STK3: variants seen among roughly 807,000 people sequenced by gnomAD.
STK3 encodes the protein serine/threonine-protein kinase 3.
Under a neutral mutation model 58.0 loss-of-function variants are expected in STK3, and 41 were observed. The ratio of observed to expected loss-of-function variants is 0.71; its 90% CI spans 0.55 to 0.92. The LOEUF is 0.92. STK3 is among the 40% of genes least tolerant of loss of function. STK3 has a pLI of 0.00. For synonymous variants in STK3, 170 were observed against 191.0 expected (o/e 0.89, Z 0.91); for missense variants, 479 against 602.7 (o/e 0.79, Z 2.15).
chr8:98,908,951 T>A (rs1287262565), intron 1 of STK3, among the ~76,000 whole-genome samples: 1 of 148,026 alleles, frequency 6.8e-6, no homozygotes, highest in Non-Finnish European at 1.5e-5. Flanking sequence ...AGGTCAGGAG[T>A]TCAAGACCAG....
intron 3 of STK3, among the ~76,000 whole-genome samples, chr8:98,433,324 G>A (rs1411477817): frequency 1.3e-5 from 2 of 152,156 alleles, no homozygotes; most frequent in Non-Finnish European, 2.9e-5. Flanking sequence ...TCTCCCTGCT[G>A]CCGAAGTAGG....
At chr8:98,678,959 C>A (rs73699916) in intron 6 of STK3, among the ~76,000 whole-genome samples, 3,409 of 152,252 alleles carry the variant, frequency 0.022, 119 homozygotes, top group African/African-American at 0.076. Flanking sequence ...TAGGAAAGGA[C>A]CATCTTTCAA....
chr8:98,874,836 C>T (rs181629975), intron 3 of STK3, among the ~76,000 whole-genome samples: 1 of 151,762 alleles, frequency 6.6e-6, no homozygotes, highest in East Asian at 1.9e-4. Flanking sequence ...GTTGCCCAGG[C>T]TGGTCTCAAA....
At chr8:98,787,509 T>C (rs1180579190) in intron 1 of STK3, among the ~76,000 whole-genome samples, 1 of 152,082 alleles carries the variant, frequency 6.6e-6, no homozygotes, top group African/African-American at 2.4e-5. Context: ...GAAAATATAT[T>C]TGGGGGAATA....
chr8:98,833,998 G>A (rs1835651143), intron 3 of STK3, among the ~76,000 whole-genome samples: 1 of 152,062 alleles, frequency 6.6e-6, no homozygotes, highest in Non-Finnish European at 1.5e-5. Context: ...CTTTATCTGA[G>A]GGATGTGAAT....
chr8:98,649,290 G>A (rs1271742309), intron 6 of STK3, among the ~76,000 whole-genome samples: 2 of 151,476 alleles, frequency 1.3e-5, no homozygotes, highest in African/African-American at 2.4e-5. Context: ...CCAACCTACC[G>A]CTTATCTATT....
rs139800279 is a variant in STK3, at chr8:98,821,152, G to A, written c.26+4363C>T. Among the ~76,000 whole-genome samples the A allele has an allele frequency of 2.4e-4, 36 of 152,150 alleles. No individual in the cohort carries two copies. In the East Asian group the frequency reaches 6.6e-3, roughly 28 times the overall value. ...ACACAGCAGGAGGTGAGCTATACGC[G>A]AGCATTACCGCCCTTGCTCTGGGCT... On this transcript the variant is annotated intron_variant, in intron 1 of 10. Transcript: ENST00000419617.
At chr8:98,704,309 T>C (rs955653865) in intron 6 of STK3, among the ~76,000 whole-genome samples, 12 of 152,200 alleles carry the variant, frequency 7.9e-5, no homozygotes, top group Non-Finnish European at 1.8e-4. Context: ...AGTTCAATAC[T>C]CTACTTTGTA....
chr8:98,915,591 T>C (rs973844538), intron 1 of STK3, among the ~76,000 whole-genome samples: 1 of 151,634 alleles, frequency 6.6e-6, no homozygotes, highest in Non-Finnish European at 1.5e-5. Context: ...AAATAATTAT[T>C]TTATCATTTG....
intron 1 of STK3, among the ~76,000 whole-genome samples, chr8:98,899,104 C>G (rs745790700): frequency 1.3e-5 from 2 of 152,166 alleles, no homozygotes; most frequent in Non-Finnish European, 2.9e-5. Flanking sequence ...AAATATGGCA[C>G]TATGTTTTCA....
chr8:98,452,256 G>A (rs182027115), downstream of STK3, among the ~76,000 whole-genome samples: 35 of 152,246 alleles, frequency 2.3e-4, no homozygotes, highest in Middle Eastern at 0.01. Context: ...GTAAATAAGC[G>A]GAGGAAAAAT....
chr8:98,597,855 C>A, intron 6 of STK3: 1 of 983,756 alleles, frequency 1.0e-6, no homozygotes, highest in Non-Finnish European at 1.2e-6. Context: ...AAACGAATAG[C>A]AAACAACTGA....
At chr8:98,884,234 T>C (rs1374128597) in intron 1 of STK3, among the ~76,000 whole-genome samples, 3 of 152,254 alleles carry the variant, frequency 2.0e-5, no homozygotes, top group Non-Finnish European at 4.4e-5. Flanking sequence ...GTCTTCAGGA[T>C]ATTTCTTTAT....
At chr8:98,503,073 A>G (rs1195848085) in intron 10 of STK3, among the ~76,000 whole-genome samples, 2 of 152,140 alleles carry the variant, frequency 1.3e-5, no homozygotes, top group Admixed American at 1.3e-4. Context: ...TATTGCCTCA[A>G]TTTCAGAGCG....
intron 6 of STK3, among the ~76,000 whole-genome samples, chr8:98,648,069 T>C (rs530976119): frequency 6.6e-6 from 1 of 152,308 alleles, no homozygotes; most frequent in Non-Finnish European, 1.5e-5. Flanking sequence ...ATTTTTCCCC[T>C]ACCTTTCTCT....
chr8:98,440,298 T>C (rs1818643485), intron 1 of STK3, among the ~76,000 whole-genome samples: 1 of 152,168 alleles, frequency 6.6e-6, no homozygotes, highest in Non-Finnish European at 1.5e-5. Context: ...CTGGCAGTCT[T>C]AAGGCAAATT....
At chr8:98,734,740 A>T (rs1828446401) in intron 4 of STK3, among the ~76,000 whole-genome samples, 1 of 152,102 alleles carries the variant, frequency 6.6e-6, no homozygotes, top group South Asian at 2.1e-4. Context: ...ATTGGTTTTT[A>T]AAAAATTTCT....
At position 98,428,447 on chromosome 8, in the gene STK3, C is replaced by T. The variant is rs199526084; in HGVS notation, n.483+5680G>A. On this transcript the variant is annotated intron_variant and non_coding_transcript_variant, in intron 3 of 3. Transcript: ENST00000517832. The surrounding 1 kb of genome is among the most constrained non-coding windows in gnomAD (Gnocchi z 6.7). ...TCGATGAGATCCTTGCCTTCTACAA[C>T]GACGCCTCCAAGTTCGATGGGCAGC... The T allele has an allele frequency of 7.4e-6, 12 of 1,614,114 alleles. No homozygotes were observed. Among genetic ancestry groups the T allele is most frequent in the African/African-American group, 2.7e-5 (2 of 75,048 alleles).
chr8:98,791,544 G>T (rs923754907), intron 1 of STK3, among the ~76,000 whole-genome samples: 1 of 152,102 alleles, frequency 6.6e-6, no homozygotes, highest in Non-Finnish European at 1.5e-5. Context: ...CAAATCTGGA[G>T]GCATCGCATT....
Sources: gnomAD v4.1 joint callset for allele counts (sites outside exome capture counted in the v4.1 genomes callset) on GRCh38, gnomAD v4.1.1 for gene constraint, Gnocchi (gnomAD v3.1) non-coding constraint, MANE v1.5 for transcripts, NCBI Gene and HGNC (gene_info 2026-07-23, HGNC 2026-07-21) for gene names.